Variants in CMTM4 observed in about 807,000 individuals in gnomAD.
CMTM4 encodes the protein CKLF like MARVEL transmembrane domain containing 4.
In CMTM4, 8 loss-of-function variants were observed where a neutral mutation model predicts 19.0. The observed-to-expected ratio is 0.42, with a 90% CI of 0.25 to 0.76. The LOEUF is 0.76. CMTM4 is among the 30% of genes least tolerant of loss of function. The probability of loss-of-function intolerance (pLI) is 0.27; values close to 1 mark genes in which losing one functional copy is unlikely to be tolerated. For synonymous variants in CMTM4, 106 were observed against 121.1 expected, an observed-to-expected ratio of 0.88 and a Z score of 0.82; for missense variants, 228 against 290.2, an observed-to-expected ratio of 0.79 and a Z score of 1.56.
At chr16:66,598,323 G>A in the CMTM4 span, among the ~76,000 whole-genome samples, 3 of 152,082 alleles carry the variant, frequency 2.0e-5, no homozygotes, top group Non-Finnish European at 4.4e-5. Context: ...AGGATGGATG[G>A]TGACATCATG....
At chr16:66,676,700 G>T (rs1293872529) in intron 1 of CMTM4, among the ~76,000 whole-genome samples, 1 of 152,212 alleles carries the variant, frequency 6.6e-6, no homozygotes, top group East Asian at 1.9e-4. Context: ...TCCTTGATTT[G>T]TGACTTGTTC....
chr16:66,671,290 A>C (rs764136835), intron 1 of CMTM4, among the ~76,000 whole-genome samples: 1 of 152,096 alleles, frequency 6.6e-6, no homozygotes, highest in Non-Finnish European at 1.5e-5. Flanking sequence ...CTCCAAATAG[A>C]GGGGAAGGAA....
rs2015577065 is a variant in CMTM4 at position 66,618,933 on chromosome 16, ATGCTGGC to A, written c.*3118_*3124del. On this transcript the variant is annotated 3_prime_UTR_variant, in exon 4 of 4. Coordinates refer to ENST00000394106, the MANE Select transcript of CMTM4 (RefSeq NM_181521.3). Reference sequence around the variant, plus strand: ...GCTCAGAGCTGGGCCGGACTTGCCCATGCTGGCTTCAGCTCACATTGCCAAGGAAGAT... The same window carrying A: ...GCTCAGAGCTGGGCCGGACTTGCCCATTCAGCTCACATTGCCAAGGAAGAT... 5 of 985,394 alleles carry A rather than the reference ATGCTGGC, an allele frequency of 5.1e-6. No homozygotes were observed. The Admixed American group carries it at 3.1e-4, about 61-fold the overall frequency. The allele number at this position is 985,394 out of a possible 1,614,324, so 61.0% of individuals were successfully genotyped here.
intron 1 of CMTM4, among the ~76,000 whole-genome samples, chr16:66,668,309 C>A (rs550040829): frequency 2.6e-5 from 4 of 152,146 alleles, no homozygotes; most frequent in Admixed American, 2.6e-4. Flanking sequence ...ATGCCCAGCC[C>A]CATTTTCTGG....
At chr16:66,666,854 A>G (rs2016603251) in intron 1 of CMTM4, among the ~76,000 whole-genome samples, 1 of 152,226 alleles carries the variant, frequency 6.6e-6, no homozygotes, top group South Asian at 2.1e-4. Context: ...CTTATAAGTG[A>G]GACCTAAACA....
intron 1 of CMTM4, among the ~76,000 whole-genome samples, chr16:66,662,148 C>T (rs186197616): frequency 3.4e-4 from 52 of 152,222 alleles, no homozygotes; most frequent in African/African-American, 1.1e-3. Flanking sequence ...ATTCCAGTTC[C>T]AGTTAATGAA....
Position 66,617,325 on chromosome 16 carries a change from T to C in CMTM4, c.*4733A>G, listed in dbSNP as rs1298221784. On this transcript the variant is annotated 3_prime_UTR_variant, in exon 4 of 4. Coordinates refer to ENST00000394106, the MANE Select transcript of CMTM4 (RefSeq NM_181521.3). ...AACTCAGCAGGTTTGTGGGTGATTT[T>C]TTCCTTACTGTTACGTTTGTGGAGT... The C allele has an allele frequency of 2.1e-5, 34 of 1,614,020 alleles. No homozygotes were observed. Among genetic ancestry groups the C allele is most frequent in the Non-Finnish European group, 2.7e-5 (32 of 1,180,026 alleles).
At chr16:66,695,754 T>C (rs1285353566) in intron 1 of CMTM4, among the ~76,000 whole-genome samples, 2 of 152,158 alleles carry the variant, frequency 1.3e-5, no homozygotes, top group African/African-American at 4.8e-5. Context: ...AAGTCTGTCT[T>C]CTTGGTTAGA....
At chr16:66,631,344 C>T (rs988708247) in intron 2 of CMTM4, among the ~76,000 whole-genome samples, 7 of 143,418 alleles carry the variant, frequency 4.9e-5, no homozygotes, top group African/African-American at 1.0e-4. Flanking sequence ...CCGCCCCGTC[C>T]GGGAGGTGAG....
chr16:66,675,447 T>C (rs2016793062), intron 1 of CMTM4, among the ~76,000 whole-genome samples: 1 of 145,310 alleles, frequency 6.9e-6, no homozygotes. Flanking sequence ...TGGTAGACTT[T>C]ATTATTCATT....
At chr16:66,598,595 C>A in the CMTM4 span, among the ~76,000 whole-genome samples, 1 of 152,162 alleles carries the variant, frequency 6.6e-6, no homozygotes, top group South Asian at 2.1e-4. Flanking sequence ...CGCAGGCAAC[C>A]ACCGATCTGA....
chr16:66,662,830 A>G (rs1470035125), intron 1 of CMTM4, among the ~76,000 whole-genome samples: 1 of 152,162 alleles, frequency 6.6e-6, no homozygotes, highest in Non-Finnish European at 1.5e-5. Flanking sequence ...GCAAACCCAT[A>G]AAGTTCTATA....
intron 1 of CMTM4, among the ~76,000 whole-genome samples, chr16:66,639,311 C>T (rs1360070273): frequency 6.6e-6 from 1 of 152,152 alleles, no homozygotes; most frequent in Non-Finnish European, 1.5e-5. Flanking sequence ...GGTATGCTAA[C>T]TTCAACCATA....
At chr16:66,625,304 C>T (rs1378862497) in intron 2 of CMTM4, among the ~76,000 whole-genome samples, 5 of 152,010 alleles carry the variant, frequency 3.3e-5, no homozygotes, top group Non-Finnish European at 5.9e-5. Context: ...TGTGGTGGCA[C>T]ATGCCTGTAA....
chr16:66,612,951 T>C, downstream of CMTM4: 1 of 665,250 alleles, frequency 1.5e-6, no homozygotes, highest in Admixed American at 2.2e-5. The surrounding 1 kb of genome is among the most constrained non-coding windows in gnomAD (Gnocchi z 6.0). Context: ...AGCAGAGCCT[T>C]GTCTGTATCT....
chr16:66,602,924 T>C, the CMTM4 span, among the ~76,000 whole-genome samples: 1 of 152,204 alleles, frequency 6.6e-6, no homozygotes, highest in Non-Finnish European at 1.5e-5. Context: ...CACAAGTCAG[T>C]CAATATTGCA....
At chr16:66,669,314 G>A (rs953398939) in intron 1 of CMTM4, among the ~76,000 whole-genome samples, 1 of 152,132 alleles carries the variant, frequency 6.6e-6, no homozygotes, top group Non-Finnish European at 1.5e-5. Flanking sequence ...CCAAGAATTG[G>A]ATGTAACTAC....
chr16:66,618,110 A>G lies in CMTM4; in HGVS notation c.*3948T>C, dbSNP rs355943. 0.046 allele frequency: 45,211 copies of G among 985,378 alleles called. 1,191 individuals carry two copies. The highest frequency in any genetic ancestry group is 0.12 in the Admixed American group (1,902 of 16,276). The allele number at this position is 985,378 out of a possible 1,614,324, so 61.0% of individuals were successfully genotyped here. A position where few individuals can be genotyped will look rare whatever the true frequency, so the allele number is the denominator to read the frequency against. On this transcript the variant is annotated 3_prime_UTR_variant, in exon 4 of 4. Transcript: ENST00000394106. Reference sequence around the variant, plus strand: ...TGATAAAATAAGACAAACCTGGAAAAAACCCTGGATTCTGCAACTTCACTA... The same window carrying G: ...TGATAAAATAAGACAAACCTGGAAAGAACCCTGGATTCTGCAACTTCACTA...
intron 1 of CMTM4, among the ~76,000 whole-genome samples, chr16:66,676,630 C>T (rs1260300049): frequency 6.6e-6 from 1 of 152,110 alleles, no homozygotes; most frequent in African/African-American, 2.4e-5. Flanking sequence ...CCACCTTGAC[C>T]CTTCGTTATT....
Sources: allele counts gnomAD v4.1 joint callset (sites outside exome capture counted in the v4.1 genomes callset), GRCh38; gene constraint gnomAD v4.1.1; non-coding constraint Gnocchi (gnomAD v3.1); transcripts MANE v1.5; gene names NCBI Gene and HGNC (gene_info 2026-07-23, HGNC 2026-07-21).